Variants in KY observed in about 807,000 individuals in gnomAD.
The protein encoded by KY is kyphoscoliosis peptidase.
In KY, 43 loss-of-function variants were observed where a neutral mutation model predicts 76.1. The observed-to-expected ratio is 0.57, with a 90% confidence interval of 0.44 to 0.73. The LOEUF is 0.73. KY is among the 30% of genes least tolerant of loss of function. KY has a pLI of 0.00. For synonymous variants in KY, 277 were observed against 326.2 expected, an observed-to-expected ratio of 0.85 and a Z score of 1.63; for missense variants, 722 against 828.9, an observed-to-expected ratio of 0.87 and a Z score of 1.58.
intron 10 of KY, chr3:134,607,492 G>A: frequency 1.0e-6 from 1 of 985,670 alleles, no homozygotes; most frequent in Non-Finnish European, 1.2e-6. Flanking sequence ...GGCCCCAGTG[G>A]CAGAGACGGT....
intron 8 of KY, among the ~76,000 whole-genome samples, chr3:134,617,742 G>A (rs1453261290): frequency 1.3e-5 from 2 of 152,198 alleles, no homozygotes; most frequent in Non-Finnish European, 2.9e-5. Flanking sequence ...GAAGGGGAAG[G>A]TTGTGGGCTG....
intron 10 of KY, among the ~76,000 whole-genome samples, chr3:134,606,543 C>G (rs961800289): frequency 6.6e-6 from 1 of 152,170 alleles, no homozygotes; most frequent in Non-Finnish European, 1.5e-5. Flanking sequence ...CAGCTTCTCT[C>G]CTAGCCCTGG....
intron 1 of KY, among the ~76,000 whole-genome samples, chr3:134,649,965 C>T (rs888077451): frequency 1.3e-5 from 2 of 152,180 alleles, no homozygotes; most frequent in African/African-American, 4.8e-5. Context: ...AGAACTGGCC[C>T]GCAGTCCGCC....
chr3:134,635,552 T>C (rs1577755303), intron 3 of KY, among the ~76,000 whole-genome samples: 3 of 144,954 alleles, frequency 2.1e-5, no homozygotes, highest in Admixed American at 2.1e-4. Flanking sequence ...TTAAGAGTGA[T>C]GGGAGGATTA....
Position 134,625,264 on chromosome 3 carries a change from T to C in KY, c.401-129A>G, listed in dbSNP as rs1963278580. 7.9e-6 allele frequency: 6 copies of C among 759,418 alleles called. No individual in the cohort carries two copies. The South Asian group carries it at 8.3e-5, about 10-fold the overall frequency. The allele number at this position is 759,418 out of a possible 1,614,324, so 47.0% of individuals were successfully genotyped here. The stretch of plus-strand genomic sequence containing the variant: ...AACACAATTCTCAAAGCCTGAAACA[T>C]TGAGCCTAAGAGCTATATGGGAACT... On this transcript the variant is annotated intron_variant, in intron 5 of 10. Coordinates refer to ENST00000423778, the MANE Select transcript of KY (RefSeq NM_178554.6).
rs182673535 is a variant in KY, at chr3:134,621,437, G to A, written c.484-580C>T. On this transcript the variant is annotated intron_variant, in intron 6 of 10. Coordinates refer to ENST00000423778, the MANE Select transcript of KY (RefSeq NM_178554.6). Reference sequence around the variant, plus strand: ...ACATATCTACGGTTAGTGGATCTTTGACAAGGGTGTCAAGTCCATTCAGTG... The same window carrying A: ...ACATATCTACGGTTAGTGGATCTTTAACAAGGGTGTCAAGTCCATTCAGTG... Among the ~76,000 whole-genome samples the A allele has an allele frequency of 5.9e-4, 90 of 152,306 alleles. 1 individual carries two copies. Among genetic ancestry groups the A allele is most frequent in the African/African-American group, 2.1e-3 (89 of 41,558 alleles).
chr3:134,607,664 C>A (rs1959445836), intron 10 of KY: 8 of 985,514 alleles, frequency 8.1e-6, no homozygotes, highest in Non-Finnish European at 8.4e-6. Flanking sequence ...TTTTTGTGAC[C>A]AGTTCTGGCC....
At chr3:134,612,751 CTGTGTGTGTGTGTGTGTGTGTG>C (rs35084772) in intron 8 of KY, among the ~76,000 whole-genome samples, 12 of 125,420 alleles carry the variant, frequency 9.6e-5, no homozygotes, top group Non-Finnish European at 1.7e-5. Flanking sequence ...CACGCCGATG[CTGTGTGTGTGTGTGTGTGTGTG>C]TGTGTGTGTG....
intron 10 of KY, chr3:134,608,288 G>C: frequency 8.2e-7 from 1 of 1,217,860 alleles, no homozygotes; most frequent in South Asian, 1.5e-5. Context: ...TGTGAACTGA[G>C]AGAGACTCAC....
chr3:134,639,949 CAAAAAAAAAAAA>C (rs35930137), intron 3 of KY: 25 of 49,714 alleles, frequency 5.0e-4, no homozygotes, highest in Non-Finnish European at 7.7e-4. Context: ...CACCCTGTCT[CAAAAAAAAAAAA>C]AAAAAAAAAA....
In KY at chr3:134,602,351, G is replaced by A. The variant is rs1362320376; in HGVS notation, c.*1228C>T. Reference sequence around the variant, plus strand: ...CCAGCTGGGCAGCTGAGGCCTCTCAGTCTGTGCCTGAGCAAGCAAGGAGCC... The same window carrying A: ...CCAGCTGGGCAGCTGAGGCCTCTCAATCTGTGCCTGAGCAAGCAAGGAGCC... On this transcript the variant is annotated 3_prime_UTR_variant, in exon 11 of 11. Transcript: ENST00000423778. Among the ~76,000 whole-genome samples, 1 of 152,146 alleles carries A rather than the reference G, an allele frequency of 6.6e-6. No individual in the cohort carries two copies. The highest frequency in any genetic ancestry group is 6.5e-5 in the Admixed American group (1 of 15,286).
Position 134,650,999 on chromosome 3 carries a change from C to T in KY, c.-39G>A, listed in dbSNP as rs747806092. The T allele has an allele frequency of 6.2e-6, 10 of 1,611,804 alleles. No homozygotes were observed. The highest frequency in any genetic ancestry group is 8.5e-6 in the Non-Finnish European group (10 of 1,178,954). Reference sequence around the variant, plus strand: ...TTCCGACCTGGGCGCCGCGGCCGCACGCTAGGCTGCTTGCGCTGCAAATGG... The same window carrying T: ...TTCCGACCTGGGCGCCGCGGCCGCATGCTAGGCTGCTTGCGCTGCAAATGG... On this transcript the variant is annotated 5_prime_UTR_variant, in exon 1 of 11. In the 5' UTR this introduces an upstream ATG that the reference lacks. Transcript: ENST00000423778.
chr3:134,627,895 G>A (rs1560124621), intron 4 of KY, 77 bp from the exon 5 acceptor site: 2 of 1,173,544 alleles, frequency 1.7e-6, no homozygotes, highest in Non-Finnish European at 2.5e-6. Context: ...TCACCTTCTG[G>A]TGGTCCTTGC....
chr3:134,616,781 G>A (rs1417475185), intron 8 of KY, among the ~76,000 whole-genome samples: 2 of 152,226 alleles, frequency 1.3e-5, no homozygotes, highest in African/African-American at 2.4e-5. Context: ...GGCAGAGTCT[G>A]TAGGAAAACT....
At chr3:134,623,976 G>A (rs1323661329) in intron 6 of KY, among the ~76,000 whole-genome samples, 1 of 152,136 alleles carries the variant, frequency 6.6e-6, no homozygotes, top group Non-Finnish European at 1.5e-5. Context: ...CTACCAATCA[G>A]TGTCTCCAGC....
rs59142622 is a variant in KY, at chr3:134,619,788, T to C, written c.593-523A>G. Among the ~76,000 whole-genome samples, 1,358 of 152,268 alleles carry C rather than the reference T, an allele frequency of 8.9e-3. 18 individuals are homozygous for C. The highest frequency in any genetic ancestry group is 0.031 in the African/African-American group (1,298 of 41,552). ...AGTCTCTGTAGCTATTGAGGACCCA[T>C]TGAGACTGTGTATGTGTGTGTTGGC... On this transcript the variant is annotated intron_variant, in intron 7 of 10. Transcript: ENST00000423778.
chr3:134,628,722 A>G (rs1963800338), intron 4 of KY, among the ~76,000 whole-genome samples: 1 of 152,200 alleles, frequency 6.6e-6, no homozygotes, highest in African/African-American at 2.4e-5. Flanking sequence ...TAATCTCATA[A>G]TAATCTTATG....
intron 5 of KY, 59 bp downstream of exon 5, chr3:134,627,697 C>G (rs1292829790): frequency 2.0e-6 from 3 of 1,484,518 alleles, no homozygotes; most frequent in Non-Finnish European, 2.8e-6. Flanking sequence ...GGAGATTAGT[C>G]TATGAGGCTA....
At chr3:134,648,299 T>C (rs1469063555) in intron 1 of KY, among the ~76,000 whole-genome samples, 1 of 152,154 alleles carries the variant, frequency 6.6e-6, no homozygotes, top group Non-Finnish European at 1.5e-5. Flanking sequence ...TCCAGCCCTC[T>C]CAACCACTCA....
Sources: allele counts gnomAD v4.1 joint callset (sites outside exome capture counted in the v4.1 genomes callset), GRCh38; gene constraint gnomAD v4.1.1; transcripts MANE v1.5; gene names NCBI Gene and HGNC (gene_info 2026-07-23, HGNC 2026-07-21).